Variants in MARCHF11 observed in about 807,000 individuals in gnomAD.
MARCHF11 encodes E3 ubiquitin-protein ligase MARCHF11.
MARCHF11 carries 29 observed loss-of-function variants against 37.3 expected under a neutral mutation model. The observed-to-expected ratio is 0.78, with a 90% CI of 0.58 to 1.06. MARCHF11 has a LOEUF of 1.06. Among genes scored for constraint, MARCHF11 ranks in the 50% least tolerant of loss-of-function variants. The pLI is 0.00. For missense variants in MARCHF11, 482 were observed against 533.4 expected, an observed-to-expected ratio of 0.90 and a Z score of 0.95; for synonymous variants, 233 against 228.0, an observed-to-expected ratio of 1.02 and a Z score of -0.20.
intron 2 of MARCHF11, 75 bp from the exon 3 acceptor site, chr5:16,091,156 G>A (rs912847143): frequency 3.3e-5 from 40 of 1,206,756 alleles, no homozygotes; most frequent in Non-Finnish European, 4.3e-5. Context: ...TTTCAGTCCT[G>A]TGTTTCTTTT....
rs950298211 is a variant in MARCHF11, at chr5:16,179,528, C to T, written c.48G>A (p.Glu16=). 2.5e-6 allele frequency: 3 copies of T among 1,181,628 alleles called. No individual in the cohort carries two copies. Among genetic ancestry groups the T allele is most frequent in the Non-Finnish European group, 3.1e-6 (3 of 956,244 alleles). 73.2% of individuals were successfully genotyped at this position (1,181,628 alleles called of 1,614,324 possible). A position where few individuals can be genotyped will look rare whatever the true frequency, so the allele number is the denominator to read the frequency against. Residue 16 remains glutamate, a synonymous_variant, in exon 1 of 4, where the codon GAG becomes GAA. Transcript: ENST00000332432. The part of the protein sequence containing the change: ...GHGGSRCRGA[E]SGDAEPPPQP... The stretch of plus-strand genomic sequence containing the variant: ...GCGGGGGAGGCTCGGCGTCCCCGCT[C>T]TCCGCCCCGCGACACCGACTGCCGC...
intron 2 of MARCHF11, among the ~76,000 whole-genome samples, chr5:16,108,777 A>G (rs1281842775): frequency 2.0e-5 from 3 of 152,174 alleles, no homozygotes; most frequent in Non-Finnish European, 2.9e-5. Flanking sequence ...ATCTCCAAGT[A>G]GCTAAGTTAC....
chr5:16,098,489 G>A (rs760363358), intron 2 of MARCHF11, among the ~76,000 whole-genome samples: 3 of 152,178 alleles, frequency 2.0e-5, no homozygotes, highest in Non-Finnish European at 2.9e-5. Flanking sequence ...ATAACAGGCA[G>A]AGTGTGGTGG....
At chr5:16,176,548 G>A (rs1422119839) in intron 2 of MARCHF11, among the ~76,000 whole-genome samples, 4 of 152,056 alleles carry the variant, frequency 2.6e-5, no homozygotes, top group Admixed American at 6.5e-5. Context: ...TTATTCACAA[G>A]CCCTAGGTCA....
chr5:16,090,378 C>T (rs1736771516), intron 3 of MARCHF11, among the ~76,000 whole-genome samples: 2 of 152,168 alleles, frequency 1.3e-5, no homozygotes, highest in Admixed American at 1.3e-4. Flanking sequence ...CAAAGAGACA[C>T]AGGCCAGCAA....
intron 2 of MARCHF11, among the ~76,000 whole-genome samples, chr5:16,115,390 C>A (rs142055289): frequency 6.6e-6 from 1 of 152,120 alleles, no homozygotes; most frequent in Admixed American, 6.5e-5. Flanking sequence ...GATATCACAG[C>A]CTCATCAGTT....
intron 2 of MARCHF11, among the ~76,000 whole-genome samples, chr5:16,100,201 G>A (rs899586111): frequency 6.6e-6 from 1 of 152,136 alleles, no homozygotes; most frequent in Admixed American, 6.5e-5. Context: ...CCCCTGGGAG[G>A]AGACAGCCTC....
intron 2 of MARCHF11, among the ~76,000 whole-genome samples, chr5:16,123,190 C>T (rs1323593984): frequency 6.6e-6 from 1 of 152,126 alleles, no homozygotes; most frequent in Non-Finnish European, 1.5e-5. Flanking sequence ...AAATCCTAAG[C>T]CCCGGTACTT....
chr5:16,146,571 C>T (rs1174012836), intron 2 of MARCHF11, among the ~76,000 whole-genome samples: 1 of 152,086 alleles, frequency 6.6e-6, no homozygotes, highest in African/African-American at 2.4e-5. Context: ...ATTCTATGAC[C>T]TTGGGAGTTT....
At chr5:16,073,438 A>G (rs1736469468) in intron 3 of MARCHF11, among the ~76,000 whole-genome samples, 1 of 152,182 alleles carries the variant, frequency 6.6e-6, no homozygotes, top group South Asian at 2.1e-4. Context: ...AAAAGTCACT[A>G]TCTATTGTTG....
chr5:16,125,682 A>G (rs1262417221), intron 2 of MARCHF11, among the ~76,000 whole-genome samples: 1 of 149,198 alleles, frequency 6.7e-6, no homozygotes, highest in African/African-American at 2.5e-5. Context: ...CATATTGACC[A>G]CTGCTTTATT....
At chr5:16,067,858 T>C in intron 3 of MARCHF11, 65 bp from the exon 4 acceptor site, 1 of 1,394,390 alleles carries the variant, frequency 7.2e-7, no homozygotes. Context: ...AGTGTTATTT[T>C]GTATACAAGT....
At chr5:16,131,782 G>A (rs1025714636) in intron 2 of MARCHF11, among the ~76,000 whole-genome samples, 1 of 152,170 alleles carries the variant, frequency 6.6e-6, no homozygotes, top group Admixed American at 6.5e-5. Context: ...TCACTACTTC[G>A]TGCTTAAGAA....
intron 2 of MARCHF11, among the ~76,000 whole-genome samples, chr5:16,137,948 C>A (rs369202773): frequency 3.3e-5 from 5 of 152,044 alleles, no homozygotes; most frequent in Non-Finnish European, 7.4e-5. Context: ...TCTTCTTTCA[C>A]GAAGATATGT....
rs947217708 is a variant in MARCHF11 at position 16,178,433 on chromosome 5, T to C, written c.538-552A>G. On this transcript the variant is annotated intron_variant, in intron 1 of 3. Transcript: ENST00000332432. The stretch of plus-strand genomic sequence containing the variant: ...TATGCTATCATTTCCTCTGCATGAT[T>C]ACTCTCATATAAGTTTGCATGCACC... Among the ~76,000 whole-genome samples, 46 of 152,240 alleles carry C rather than the reference T, an allele frequency of 3.0e-4. 1 individual carries two copies. The highest frequency in any genetic ancestry group is 1.1e-3 in the African/African-American group (44 of 41,468).
chr5:16,118,704 A>G lies in MARCHF11; in HGVS notation c.694-27623T>C, dbSNP rs114124970. ...GATAAAAGGAACCCAAGAGAGAGGA[A>G]TCAGGAAAGCAAGTGGACAAAGGAG... is the stretch of plus-strand genomic sequence containing the variant. On this transcript the variant is annotated intron_variant, in intron 2 of 3. Coordinates refer to ENST00000332432, the MANE Select transcript of MARCHF11 (RefSeq NM_001102562.3). Among the ~76,000 whole-genome samples the G allele has an allele frequency of 2.9e-3, 440 of 152,272 alleles. 3 individuals are homozygous for G. The highest frequency in any genetic ancestry group is 0.01 in the Middle Eastern group (3 of 294).
intron 2 of MARCHF11, among the ~76,000 whole-genome samples, chr5:16,096,912 G>A (rs565528949): frequency 3.9e-4 from 60 of 152,214 alleles, no homozygotes; most frequent in Non-Finnish European, 6.9e-4. Flanking sequence ...GAGGGAATTA[G>A]GCTGAACTCT....
chr5:16,178,403 G>A (rs1738400692), intron 1 of MARCHF11, among the ~76,000 whole-genome samples: 2 of 152,050 alleles, frequency 1.3e-5, no homozygotes, highest in South Asian at 4.1e-4. Flanking sequence ...CATTTGTAAG[G>A]GACATATGCT....
At chr5:16,129,884 A>G (rs1737486789) in intron 2 of MARCHF11, among the ~76,000 whole-genome samples, 1 of 152,164 alleles carries the variant, frequency 6.6e-6, no homozygotes, top group Non-Finnish European at 1.5e-5. Flanking sequence ...CAGAGCGAGG[A>G]AAGCCTATCA....
Sources: allele counts gnomAD v4.1 joint callset (sites outside exome capture counted in the v4.1 genomes callset), GRCh38; gene constraint gnomAD v4.1.1; transcripts MANE v1.5; gene names NCBI Gene and HGNC (gene_info 2026-07-23, HGNC 2026-07-21).